Variants in KIAA1217 observed in about 807,000 individuals in gnomAD.
KIAA1217 encodes the protein KIAA1217.
In KIAA1217, 88 loss-of-function variants were observed where a neutral mutation model predicts 163.9. The observed-to-expected ratio is 0.54, with a 90% CI of 0.45 to 0.64. The LOEUF is 0.64. Ranked by LOEUF, KIAA1217 falls within the 30% of genes least tolerant of loss-of-function variation. The pLI is 0.00. For synonymous variants in KIAA1217, 903 were observed against 923.1 expected (o/e 0.98, Z 0.39); for missense variants, 2,372 against 2,475.0 (o/e 0.96, Z 0.88).
intron 1 of KIAA1217, among the ~76,000 whole-genome samples, chr10:23,892,819 T>TC (rs1258031535): frequency 6.6e-6 from 1 of 151,888 alleles, no homozygotes; most frequent in Non-Finnish European, 1.5e-5. Context: ...AACCCACAGC[T>TC]TAAAATAAGT....
At chr10:23,816,641 T>G (rs1837325698) in intron 1 of KIAA1217, among the ~76,000 whole-genome samples, 1 of 152,204 alleles carries the variant, frequency 6.6e-6, no homozygotes, top group African/African-American at 2.4e-5. Context: ...TTCTCCTTTG[T>G]TCAACTCTAT....
At chr10:23,720,672 A>G (rs1456524278) in intron 1 of KIAA1217, among the ~76,000 whole-genome samples, 1 of 152,204 alleles carries the variant, frequency 6.6e-6, no homozygotes, top group East Asian at 1.9e-4. Flanking sequence ...TTTGCACCAA[A>G]CACTTTACCT....
At chr10:24,269,059 T>G (rs1376158551) in intron 2 of KIAA1217, among the ~76,000 whole-genome samples, 5 of 70,166 alleles carry the variant, frequency 7.1e-5, no homozygotes, top group Non-Finnish European at 7.8e-5. Context: ...GGGACTGTGG[T>G]GGGGTGGGGG....
rs116060794 is a variant in KIAA1217 at position 23,818,592 on chromosome 10, A to G, written c.-321+123358A>G. ...GGATACAGAAACCAGGACTCCAGGC[A>G]TTCAGCGACAGAAACCAAAACCCAC... On this transcript the variant is annotated intron_variant, in intron 1 of 18. Transcript: ENST00000376462. Among the ~76,000 whole-genome samples the G allele has an allele frequency of 3.1e-3, 471 of 152,196 alleles. 1 individual carries two copies. The highest frequency in any genetic ancestry group is 0.011 in the African/African-American group (450 of 41,528).
intron 3 of KIAA1217, among the ~76,000 whole-genome samples, chr10:24,429,671 T>C (rs1702864877): frequency 6.6e-6 from 1 of 152,228 alleles, no homozygotes; most frequent in African/African-American, 2.4e-5. Flanking sequence ...GAGTTTCTTT[T>C]TCCTGTTTCT....
At chr10:24,537,353 A>G (rs907718130) in intron 17 of KIAA1217, among the ~76,000 whole-genome samples, 1 of 152,152 alleles carries the variant, frequency 6.6e-6, no homozygotes, top group Non-Finnish European at 1.5e-5. Flanking sequence ...AGGCAGGTGG[A>G]TCACCTGAGG....
chr10:24,027,994 G>A (rs1279140165), intron 2 of KIAA1217, among the ~76,000 whole-genome samples: 7 of 152,218 alleles, frequency 4.6e-5, no homozygotes, highest in African/African-American at 1.7e-4. Flanking sequence ...ACTTTGCAAG[G>A]TAATGATGAG....
chr10:24,184,466 C>T (rs2066326890), intron 2 of KIAA1217, among the ~76,000 whole-genome samples: 1 of 152,096 alleles, frequency 6.6e-6, no homozygotes, highest in African/African-American at 2.4e-5. Flanking sequence ...TTTATGAAAG[C>T]CCAAAACTTT....
intron 5 of KIAA1217, among the ~76,000 whole-genome samples, chr10:24,458,676 T>C (rs746145159): frequency 6.6e-6 from 1 of 152,230 alleles, no homozygotes; most frequent in Non-Finnish European, 1.5e-5. Flanking sequence ...AATTATAATG[T>C]ATCTAATGGG....
chr10:24,547,163 G>C lies in KIAA1217; in HGVS notation c.*839G>C, dbSNP rs1281805077. 1 of 146,620 alleles carries C rather than the reference G, an allele frequency of 6.8e-6. No individual in the cohort carries two copies. Among genetic ancestry groups the C allele is most frequent in the Non-Finnish European group, 1.5e-5 (1 of 67,146 alleles). 9.1% of individuals were successfully genotyped at this position (146,620 alleles called of 1,614,324 possible). A position where few individuals can be genotyped will look rare whatever the true frequency, so the allele number is the denominator to read the frequency against. On this transcript the variant is annotated 3_prime_UTR_variant, in exon 21 of 21. Coordinates refer to ENST00000376454, the MANE Select transcript of KIAA1217 (RefSeq NM_019590.5). ...CTGAGACCTGGTAACCCACGCTCTT[G>C]CATTGTGGATTTTAAAATGTATACT...
At chr10:24,199,251 T>G (rs562500593) in intron 2 of KIAA1217, among the ~76,000 whole-genome samples, 1 of 152,214 alleles carries the variant, frequency 6.6e-6, no homozygotes, top group South Asian at 2.1e-4. Context: ...AAGAATTAAA[T>G]AAACAAAACA....
chr10:23,885,100 T>C (rs1257600926), intron 1 of KIAA1217, among the ~76,000 whole-genome samples: 2 of 151,996 alleles, frequency 1.3e-5, no homozygotes, highest in African/African-American at 4.8e-5. Flanking sequence ...AACAGAATGT[T>C]TTTTGTGTTT....
intron 2 of KIAA1217, among the ~76,000 whole-genome samples, chr10:24,038,910 A>G (rs1435168022): frequency 1.3e-5 from 2 of 151,910 alleles, no homozygotes; most frequent in African/African-American, 4.8e-5. Context: ...TGCCCGGCTA[A>G]GTTTTGTATT....
At chr10:23,816,466 T>C (rs1049213958) in intron 1 of KIAA1217, among the ~76,000 whole-genome samples, 46 of 152,238 alleles carry the variant, frequency 3.0e-4, no homozygotes, top group African/African-American at 1.1e-3. Flanking sequence ...CTAATTTTTG[T>C]ATTTTTAGTA....
At chr10:24,467,660 G>T (rs773361140) in intron 5 of KIAA1217, among the ~76,000 whole-genome samples, 1 of 152,178 alleles carries the variant, frequency 6.6e-6, no homozygotes, top group African/African-American at 2.4e-5. Context: ...TGGGGAAAAA[G>T]TGTCAATGGT....
intron 9 of KIAA1217, among the ~76,000 whole-genome samples, chr10:24,510,884 TC>T (rs1425435560): frequency 6.6e-6 from 1 of 152,160 alleles, no homozygotes; most frequent in Non-Finnish European, 1.5e-5. Flanking sequence ...AATTTTGGAT[TC>T]TTCATTGTTG....
chr10:24,527,536 C>A (rs2072392534), intron 13 of KIAA1217, among the ~76,000 whole-genome samples: 2 of 150,738 alleles, frequency 1.3e-5, no homozygotes, highest in Admixed American at 1.3e-4. Flanking sequence ...GGTGGCTGAA[C>A]ATGTGTAATC....
At chr10:24,496,918 T>G (rs2066859071) in intron 8 of KIAA1217, among the ~76,000 whole-genome samples, 1 of 152,252 alleles carries the variant, frequency 6.6e-6, no homozygotes, top group African/African-American at 2.4e-5. Flanking sequence ...GACAGTTCAG[T>G]GCCACTGGTG....
intron 2 of KIAA1217, among the ~76,000 whole-genome samples, chr10:24,224,694 G>A (rs1417028435): frequency 1.3e-5 from 2 of 152,114 alleles, no homozygotes. Flanking sequence ...ATGGAGCACT[G>A]AGAAATACAA....
Sources: gnomAD v4.1 joint callset for allele counts (sites outside exome capture counted in the v4.1 genomes callset) on GRCh38, gnomAD v4.1.1 for gene constraint, MANE v1.5 for transcripts, NCBI Gene and HGNC (gene_info 2026-07-23, HGNC 2026-07-21) for gene names.